The following NMT2 variants were observed in gnomAD, a reference collection of about 807,000 sequenced individuals.
The protein encoded by NMT2 is glycylpeptide N-tetradecanoyltransferase 2.
A neutral mutation model predicts 65.4 loss-of-function variants in NMT2; 35 were observed. That is an observed-to-expected ratio of 0.54 (90% CI 0.41 to 0.71). NMT2 has a LOEUF of 0.71. Ranked by LOEUF, NMT2 falls within the 30% of genes least tolerant of loss-of-function variation. NMT2 has a pLI of 0.00. For synonymous variants in NMT2, 226 were observed against 231.8 expected (o/e 0.98, Z 0.23); for missense variants, 489 against 611.3 (o/e 0.80, Z 2.11).
At chr10:15,142,420 G>T (rs1223051318) in intron 1 of NMT2, among the ~76,000 whole-genome samples, 1 of 152,186 alleles carries the variant, frequency 6.6e-6, no homozygotes, top group Non-Finnish European at 1.5e-5. Flanking sequence ...AAATTAGCCA[G>T]GTACAGTGGC....
At chr10:15,128,229 C>T (rs1381913708) in intron 8 of NMT2, 121 bp downstream of exon 8, 4 of 669,294 alleles carry the variant, frequency 6.0e-6, no homozygotes, top group Admixed American at 2.9e-5. Context: ...AAATCTCTTT[C>T]GCTCCATATT....
In NMT2 at chr10:15,108,489, G is replaced by A; in HGVS notation, c.*706C>T. 1.0e-6 allele frequency: 1 copy of A among 985,528 alleles called. No individual in the cohort carries two copies. The highest frequency in any genetic ancestry group is 4.7e-5 in the South Asian group (1 of 21,304). The allele number at this position is 985,528 out of a possible 1,614,324, so 61.0% of individuals were successfully genotyped here. A position where few individuals can be genotyped will look rare whatever the true frequency, so the allele number is the denominator to read the frequency against. ...CGTGAGCCACCACGCCCGGCCTCAG[G>A]CTCTTTCAGAGAGCACAGTGAGTGC... is the stretch of plus-strand genomic sequence containing the variant. On this transcript the variant is annotated 3_prime_UTR_variant, in exon 12 of 12. Coordinates refer to ENST00000378165, the MANE Select transcript of NMT2 (RefSeq NM_004808.3).
At chr10:15,125,859 G>T (rs1846056688) in intron 8 of NMT2, among the ~76,000 whole-genome samples, 1 of 152,010 alleles carries the variant, frequency 6.6e-6, no homozygotes, top group African/African-American at 2.4e-5. Flanking sequence ...TAGAGATGGG[G>T]TTTCACCATG....
chr10:15,127,519 C>A (rs1846115536), intron 8 of NMT2, among the ~76,000 whole-genome samples: 1 of 112,620 alleles, frequency 8.9e-6, no homozygotes, highest in Admixed American at 1.1e-4. Flanking sequence ...TGCACTCCAG[C>A]CTGGGCGACA....
chr10:15,127,256 A>G lies in NMT2; in HGVS notation c.999+1094T>C, dbSNP rs536988055. Among the ~76,000 whole-genome samples the G allele has an allele frequency of 2.3e-4, 34 of 147,998 alleles. No individual in the cohort carries two copies. The South Asian group carries it at 7.2e-3, about 32-fold the overall frequency. On this transcript the variant is annotated intron_variant, in intron 8 of 11. Transcript: ENST00000378165. Reference sequence around the variant, plus strand: ...TCTCAAAAAATAAAAAAATAAAAAAAATAACTTTTCGCCAGGCGTGGTGGC... The same window carrying G: ...TCTCAAAAAATAAAAAAATAAAAAAGATAACTTTTCGCCAGGCGTGGTGGC...
intron 1 of NMT2, among the ~76,000 whole-genome samples, chr10:15,156,861 A>C (rs1319506920): frequency 2.6e-5 from 4 of 151,662 alleles, no homozygotes; most frequent in African/African-American, 4.9e-5. Flanking sequence ...GCGCCACTGC[A>C]CTCCAGCCTG....
intron 8 of NMT2, among the ~76,000 whole-genome samples, chr10:15,124,263 G>C (rs1390816064): frequency 2.6e-5 from 4 of 152,194 alleles, no homozygotes; most frequent in Admixed American, 2.6e-4. Flanking sequence ...CACTGAAAGG[G>C]TAGGGAGGCA....
intron 1 of NMT2, among the ~76,000 whole-genome samples, chr10:15,149,207 T>G (rs200214173): frequency 7.6e-6 from 1 of 131,902 alleles, no homozygotes; most frequent in South Asian, 2.4e-4. Context: ...ATCACCACCA[T>G]CATCACCATC....
intron 8 of NMT2, among the ~76,000 whole-genome samples, chr10:15,120,274 A>G (rs181093716): frequency 1.1e-4 from 16 of 152,286 alleles, no homozygotes; most frequent in Admixed American, 3.9e-4. Context: ...CCTGGCCAAC[A>G]TGATGAAACC....
rs774991415 is a variant in NMT2, at chr10:15,119,444, T to C, written c.1069A>G (p.Thr357Ala). Residue 357 changes from threonine (T) to alanine (A), a missense_variant, in exon 9 of 12, where the codon ACT becomes GCT. Transcript: ENST00000378165. ...GCCAGATGAAACTGCTTCAGGTAAGTGTTGATTAATTCTCGAACTGATTTG... is the reference window on the plus strand; with the variant it reads ...GCCAGATGAAACTGCTTCAGGTAAGCGTTGATTAATTCTCGAACTGATTTG... ...DIKSVRELIN[T>A]YLKQFHLAPV... The C allele has an allele frequency of 1.2e-6, 2 of 1,614,052 alleles. No homozygotes were observed. The highest frequency in any genetic ancestry group is 1.7e-5 in the Admixed American group (1 of 60,010).
chr10:15,167,332 G>A (rs1833409756), intron 1 of NMT2, among the ~76,000 whole-genome samples: 1 of 152,176 alleles, frequency 6.6e-6, no homozygotes. Flanking sequence ...TGAATTAGAG[G>A]TCAGTCAAAA....
Position 15,112,778 on chromosome 10 carries a change from C to A in NMT2, c.1338+18G>T. On this transcript the variant is annotated intron_variant, in intron 10 of 11. Coordinates refer to ENST00000378165, the MANE Select transcript of NMT2 (RefSeq NM_004808.3). Reference sequence around the variant, plus strand: ...CATTTGGAGAACCAAACGGCGTGAACAGGAAGGAGTGGCTTACCGATTTAG... The same window carrying A: ...CATTTGGAGAACCAAACGGCGTGAAAAGGAAGGAGTGGCTTACCGATTTAG... The A allele has an allele frequency of 1.9e-6, 3 of 1,597,614 alleles. No individual in the cohort carries two copies. The highest frequency in any genetic ancestry group is 2.6e-6 in the Non-Finnish European group (3 of 1,171,538).
intron 8 of NMT2, 72 bp downstream of exon 8, chr10:15,128,278 C>T (rs1846164855): frequency 4.5e-6 from 4 of 889,120 alleles, no homozygotes; most frequent in Non-Finnish European, 7.5e-6. Flanking sequence ...TAGACTCCTG[C>T]AAATAATTCT....
intron 8 of NMT2, among the ~76,000 whole-genome samples, chr10:15,127,558 A>AAATAT (rs1846123106): frequency 1.0e-5 from 1 of 95,596 alleles, no homozygotes. Flanking sequence ...AAAAAAAAAA[A>AAATAT]AAAAAAAAAA....
Position 15,112,195 on chromosome 10 carries a change from TATATATATATATATATATATA to T in NMT2, c.1338+580_1338+600del, listed in dbSNP as rs1272019197. Among the ~76,000 whole-genome samples, 61 of 14,014 alleles carry T rather than the reference TATATATATATATATATATATA, an allele frequency of 4.4e-3. 1 individual carries two copies. The highest frequency in any genetic ancestry group is 0.019 in the African/African-American group (42 of 2,228). The allele number at this position is 14,014 out of a possible 152,430, so 9.2% of individuals were successfully genotyped here. Reference sequence around the variant, plus strand: ...GGCTTTATATATATATATATATATATATATATATATATATATATATATTTTTTTTTTTTTTTTTTTTTTTTT... The same window carrying T: ...GGCTTTATATATATATATATATATATTTTTTTTTTTTTTTTTTTTTTTTTT... On this transcript the variant is annotated intron_variant, in intron 10 of 11. Coordinates refer to ENST00000378165, the MANE Select transcript of NMT2 (RefSeq NM_004808.3).
chr10:15,159,482 G>A (rs372146200), intron 1 of NMT2, among the ~76,000 whole-genome samples: 3 of 151,708 alleles, frequency 2.0e-5, no homozygotes, highest in South Asian at 2.1e-4. Flanking sequence ...GCACAATCTC[G>A]GCTCACTGCA....
chr10:15,126,147 G>A (rs751368996), intron 8 of NMT2, among the ~76,000 whole-genome samples: 2 of 151,860 alleles, frequency 1.3e-5, no homozygotes, highest in Non-Finnish European at 2.9e-5. Flanking sequence ...TGGCAATGGC[G>A]GCTGGGCGCA....
chr10:15,161,919 G>T (rs573683416), intron 1 of NMT2, among the ~76,000 whole-genome samples: 5 of 152,232 alleles, frequency 3.3e-5, no homozygotes, highest in African/African-American at 1.2e-4. Flanking sequence ...TTAATTTTTT[G>T]ATATGGATAA....
At chr10:15,139,991 G>C (rs1340193288) in intron 2 of NMT2, among the ~76,000 whole-genome samples, 2 of 149,840 alleles carry the variant, frequency 1.3e-5, no homozygotes, top group African/African-American at 2.4e-5. Context: ...TTAGAGAGAA[G>C]AGAAGGAACT....
Sources: gnomAD v4.1 joint callset for allele counts (sites outside exome capture counted in the v4.1 genomes callset) on GRCh38, gnomAD v4.1.1 for gene constraint, MANE v1.5 for transcripts, NCBI Gene and HGNC (gene_info 2026-07-23, HGNC 2026-07-21) for gene names.